ACAD11: variants seen among roughly 807,000 people sequenced by gnomAD.
ACAD11 encodes the protein acyl-Coenzyme A dehydrogenase family, member 11.
A neutral mutation model predicts 102.2 loss-of-function variants in ACAD11; 83 were observed. The observed-to-expected ratio is 0.81, with a 90% CI of 0.68 to 0.97. The LOEUF is 0.97. ACAD11 is among the 50% of genes least tolerant of loss of function. The pLI is 0.00. For missense variants in ACAD11, 901 were observed against 951.7 expected, an observed-to-expected ratio of 0.95 and a Z score of 0.70; for synonymous variants, 324 against 319.8, an observed-to-expected ratio of 1.01 and a Z score of -0.14.
rs141966052 is a variant in ACAD11, at chr3:132,582,275, GA to G, written c.1622-2718del. On this transcript the variant is annotated intron_variant, in intron 13 of 19. Coordinates refer to ENST00000264990, the MANE Select transcript of ACAD11 (RefSeq NM_032169.5). ...ATACTGTCTAAAATGAATAAATTAA[GA>G]AAGAGAAAAAATATTTTATCTACAA... is the stretch of plus-strand genomic sequence containing the variant. Among the ~76,000 whole-genome samples the G allele has an allele frequency of 5.9e-3, 882 of 149,200 alleles. 9 individuals carry two copies. The highest frequency in any genetic ancestry group is 0.021 in the African/African-American group (840 of 40,496).
chr3:132,595,783 ACT>A (rs1938277035), intron 13 of ACAD11, among the ~76,000 whole-genome samples: 1 of 152,050 alleles, frequency 6.6e-6, no homozygotes, highest in Non-Finnish European at 1.5e-5. Flanking sequence ...ATTATTAAAA[ACT>A]CAAAAAATTA....
At chr3:132,659,551 A>C (rs1576634472) in intron 1 of ACAD11, 52 bp downstream of exon 1, 1 of 1,605,658 alleles carries the variant, frequency 6.2e-7, no homozygotes. Context: ...AAAGGAAGGA[A>C]AACTCAATGT....
At position 132,591,773 on chromosome 3, in the gene ACAD11, C is replaced by G. The variant is rs567691392; in HGVS notation, c.1621+11456G>C. Among the ~76,000 whole-genome samples, 18 of 152,212 alleles carry G rather than the reference C, an allele frequency of 1.2e-4. No homozygotes were observed. The East Asian group carries it at 3.3e-3, about 28-fold the overall frequency. On this transcript the variant is annotated intron_variant, in intron 13 of 19. Transcript: ENST00000264990. Reference sequence around the variant, plus strand: ...AAGCACGGTGCAGCACATCTGTAGTCCCAGCTACTCGGGATGTTGAGATGG... The same window carrying G: ...AAGCACGGTGCAGCACATCTGTAGTGCCAGCTACTCGGGATGTTGAGATGG...
Position 132,642,063 on chromosome 3 carries a change from GTGGCCACATATA to G in ACAD11, c.434_445del (p.Ile145_Ala148del). The G allele has an allele frequency of 6.2e-7, 1 of 1,614,020 alleles. No individual in the cohort carries two copies. The highest frequency in any genetic ancestry group is 8.5e-7 in the Non-Finnish European group (1 of 1,179,944). Reference sequence around the variant, plus strand: ...ATGTAACTGAGCCAATGTTTCTACCGTGGCCACATATATGGCTGAACGTTCTGCTGGGCTAAG... The same window carrying G: ...ATGTAACTGAGCCAATGTTTCTACCGTGGCTGAACGTTCTGCTGGGCTAAG... On this transcript the variant is annotated inframe_deletion, in exon 4 of 20. Transcript: ENST00000264990.
intron 7 of ACAD11, among the ~76,000 whole-genome samples, chr3:132,629,932 A>T (rs1576604839): frequency 1.3e-5 from 2 of 152,118 alleles, no homozygotes; most frequent in African/African-American, 4.8e-5. Flanking sequence ...TTCAAAATTA[A>T]TCACACAAAT....
At chr3:132,576,057 T>C in intron 16 of ACAD11, 131 bp from the exon 17 acceptor site, 1 of 977,800 alleles carries the variant, frequency 1.0e-6, no homozygotes, top group Non-Finnish European at 1.5e-6. Flanking sequence ...AAAAAGTCAG[T>C]TCTATAATAA....
intron 13 of ACAD11, among the ~76,000 whole-genome samples, chr3:132,590,638 G>A (rs1487129507): frequency 6.6e-6 from 1 of 152,270 alleles, no homozygotes; most frequent in Admixed American, 6.5e-5. Context: ...TGTATTAAGT[G>A]TTCCTTTTTT....
chr3:132,645,627 T>C (rs1402442916), intron 1 of ACAD11, among the ~76,000 whole-genome samples: 4 of 152,042 alleles, frequency 2.6e-5, no homozygotes, highest in Non-Finnish European at 4.4e-5. Context: ...CTAAATTAAA[T>C]AAACAGAAGA....
At position 132,592,807 on chromosome 3, in the gene ACAD11, A is replaced by G. The variant is rs367654012; in HGVS notation, c.1621+10422T>C. Reference sequence around the variant, plus strand: ...TACAATAAAATTTCCCTTATATGAAAAAAGATGTTCATTGTACAATCCCAC... The same window carrying G: ...TACAATAAAATTTCCCTTATATGAAGAAAGATGTTCATTGTACAATCCCAC... On this transcript the variant is annotated intron_variant, in intron 13 of 19. Transcript: ENST00000264990. 7.4e-4 allele frequency among the ~76,000 whole-genome samples: 112 copies of G among 152,314 alleles called. 1 individual carries two copies. The highest frequency in any genetic ancestry group is 2.6e-3 in the African/African-American group (107 of 41,574).
chr3:132,614,186 A>G (rs1939299192), intron 11 of ACAD11, among the ~76,000 whole-genome samples: 1 of 152,186 alleles, frequency 6.6e-6, no homozygotes, highest in South Asian at 2.1e-4. Context: ...ACACAACCAA[A>G]TGGAAAAACA....
rs972877056 is a variant in ACAD11, at chr3:132,639,503, G to A, written c.691C>T (p.His231Tyr). Residue 231 changes from histidine to tyrosine, a missense_variant, in exon 5 of 20, where the codon CAC (histidine) becomes TAC (tyrosine). Coordinates refer to ENST00000264990, the MANE Select transcript of ACAD11 (RefSeq NM_032169.5). ...GDFRLDNIVFHPKECRVIAVL... is the reference protein window; with the variant it reads ...GDFRLDNIVFYPKECRVIAVL... ...ATAGCTAACTGTACCTCTTTAGGGT[G>A]GAAAACTATGTTATCTAGTCTGAAA... 1.1e-5 allele frequency: 17 copies of A among 1,613,128 alleles called. No individual in the cohort carries two copies. Among genetic ancestry groups the A allele is most frequent in the African/African-American group, 1.3e-5 (1 of 74,856 alleles).
intron 9 of ACAD11, 110 bp from the exon 10 acceptor site, chr3:132,619,655 C>T (rs985186536): frequency 1.8e-6 from 1 of 559,804 alleles, no homozygotes; most frequent in Non-Finnish European, 3.1e-6. Flanking sequence ...GATGCTTTTT[C>T]AGCTATTATT....
At chr3:132,561,615 G>A (rs994820884) in intron 17 of ACAD11, among the ~76,000 whole-genome samples, 1 of 152,182 alleles carries the variant, frequency 6.6e-6, no homozygotes, top group East Asian at 1.9e-4. Context: ...CTGCTTACAG[G>A]TAAACTAGAA....
chr3:132,643,538 C>G (rs924690199), intron 2 of ACAD11, among the ~76,000 whole-genome samples: 2 of 152,154 alleles, frequency 1.3e-5, no homozygotes, highest in Non-Finnish European at 2.9e-5. Flanking sequence ...TGGCCCCAGA[C>G]TCAGGCAATG....
At chr3:132,638,611 G>A (rs1309151828) in intron 5 of ACAD11, among the ~76,000 whole-genome samples, 3 of 152,000 alleles carry the variant, frequency 2.0e-5, no homozygotes, top group Non-Finnish European at 4.4e-5. Context: ...AAGTCTAGTG[G>A]GTTCTAATTT....
At chr3:132,644,938 T>A (rs1576619366) in intron 1 of ACAD11, 42 bp from the exon 2 acceptor site, 1 of 1,235,750 alleles carries the variant, frequency 8.1e-7, no homozygotes, top group Admixed American at 2.0e-5. Context: ...TACAAAGATA[T>A]GTTTTCCGTC....
At chr3:132,624,841 G>A (rs1023101800) in intron 9 of ACAD11, among the ~76,000 whole-genome samples, 5 of 151,578 alleles carry the variant, frequency 3.3e-5, no homozygotes, top group African/African-American at 9.7e-5. Context: ...TGTGCAGCAC[G>A]CCGGGCTAAT....
chr3:132,608,061 C>A (rs1344518682), intron 11 of ACAD11, among the ~76,000 whole-genome samples: 2 of 152,132 alleles, frequency 1.3e-5, no homozygotes, highest in African/African-American at 4.8e-5. Context: ...CCTTTACAGA[C>A]AAACAAATGC....
intron 17 of ACAD11, among the ~76,000 whole-genome samples, chr3:132,568,801 C>CAAAAAAAAAAAAAAAAAAAAAAAAA (rs755568917): frequency 8.7e-5 from 6 of 68,680 alleles, no homozygotes; most frequent in East Asian, 3.1e-4. Context: ...CATCCACAGG[C>CAAAAAAAAAAAAAAAAAAAAAAAAA]AAAAAAAAAA....
Sources: gnomAD v4.1 joint callset for allele counts (sites outside exome capture counted in the v4.1 genomes callset) on GRCh38, gnomAD v4.1.1 for gene constraint, MANE v1.5 for transcripts, NCBI Gene and HGNC (gene_info 2026-07-23, HGNC 2026-07-21) for gene names.